RORA: variants seen among roughly 807,000 people sequenced by gnomAD.
The protein encoded by RORA is RAR related orphan receptor A.
RORA carries 7 observed loss-of-function variants against 69.5 expected under a neutral mutation model. The ratio of observed to expected loss-of-function variants is 0.10; its 90% CI spans 0.06 to 0.19. RORA has a LOEUF of 0.19. Among genes scored for constraint, RORA ranks in the 10% least tolerant of loss-of-function variants. The pLI is 1.00. For synonymous variants in RORA, 261 were observed against 240.8 expected, an observed-to-expected ratio of 1.08 and a Z score of -0.78; for missense variants, 457 against 663.0, an observed-to-expected ratio of 0.69 and a Z score of 3.41.
chr15:60,933,308 C>T (rs1892427021), intron 1 of RORA, among the ~76,000 whole-genome samples: 1 of 152,172 alleles, frequency 6.6e-6, no homozygotes, highest in Admixed American at 6.5e-5. Flanking sequence ...TCCCTGTAGC[C>T]TACGTTCTCA....
chr15:60,826,392 C>G (rs911399815), intron 1 of RORA, among the ~76,000 whole-genome samples: 2 of 152,122 alleles, frequency 1.3e-5, no homozygotes, highest in Non-Finnish European at 2.9e-5. Context: ...AAAAACAACC[C>G]CTGTTCTCAA....
intron 1 of RORA, among the ~76,000 whole-genome samples, chr15:60,959,449 C>T (rs752091711): frequency 5.9e-5 from 9 of 152,106 alleles, no homozygotes; most frequent in Admixed American, 2.0e-4. Context: ...TTTAAACTAA[C>T]GTATTAGGCA....
Position 60,492,344 on chromosome 15 carries a change from G to A in RORA, c.*5111C>T, listed in dbSNP as rs1595851971. ...CATGTAACACTAAATGTTGGCTCGA[G>A]TTGCTGCTGTCATACAGGCAGGTTT... is the stretch of plus-strand genomic sequence containing the variant. On this transcript the variant is annotated 3_prime_UTR_variant, in exon 11 of 11. Coordinates refer to ENST00000335670, the MANE Select transcript of RORA (RefSeq NM_134261.3). The A allele has an allele frequency of 6.6e-6, 1 of 152,148 alleles. No individual in the cohort carries two copies. Among genetic ancestry groups the A allele is most frequent in the Non-Finnish European group, 1.5e-5 (1 of 68,008 alleles). The allele number at this position is 152,148 out of a possible 1,614,324, so 9.4% of individuals were successfully genotyped here.
At chr15:60,857,336 G>T (rs1488983139) in intron 1 of RORA, among the ~76,000 whole-genome samples, 1 of 152,128 alleles carries the variant, frequency 6.6e-6, no homozygotes, top group African/African-American at 2.4e-5. Context: ...GGCAAGTCAA[G>T]TTCCCACGAA....
rs1183997437 is a variant in RORA, at chr15:60,495,879, A to G, written c.*1576T>C. 6.6e-6 allele frequency: 1 copy of G among 151,548 alleles called. No homozygotes were observed. Among genetic ancestry groups the G allele is most frequent in the East Asian group, 1.9e-4 (1 of 5,188 alleles). 9.4% of individuals were successfully genotyped at this position (151,548 alleles called of 1,614,324 possible). Reference sequence around the variant, plus strand: ...TCATTAAAAAAAAAAAAACCATGAAATTAAACAAAAACAACTCAGTATTTC... The same window carrying G: ...TCATTAAAAAAAAAAAAACCATGAAGTTAAACAAAAACAACTCAGTATTTC... On this transcript the variant is annotated 3_prime_UTR_variant, in exon 11 of 11. Coordinates refer to ENST00000335670, the MANE Select transcript of RORA (RefSeq NM_134261.3).
chr15:60,953,970 C>T (rs1489875872), intron 1 of RORA, among the ~76,000 whole-genome samples: 2 of 151,812 alleles, frequency 1.3e-5, no homozygotes, highest in African/African-American at 4.8e-5. Flanking sequence ...ATAAATCATG[C>T]TGCTATAAAG....
At chr15:60,925,164 A>G (rs1184494422) in intron 1 of RORA, among the ~76,000 whole-genome samples, 2 of 152,122 alleles carry the variant, frequency 1.3e-5, no homozygotes, top group African/African-American at 4.8e-5. Context: ...ACAATTGAGG[A>G]AGTGCCTCCT....
chr15:61,096,158 A>T (rs943984268), intron 1 of RORA, among the ~76,000 whole-genome samples: 15 of 152,132 alleles, frequency 9.9e-5, no homozygotes, highest in Non-Finnish European at 2.9e-5. Context: ...GCCCACACCC[A>T]CATTGGGGGA....
chr15:60,920,364 G>A (rs755264073), intron 1 of RORA, among the ~76,000 whole-genome samples: 4 of 152,144 alleles, frequency 2.6e-5, no homozygotes, highest in East Asian at 1.9e-4. Flanking sequence ...TGTTTTCAAC[G>A]TCAAAGAATA....
In RORA at chr15:60,594,141, C is replaced by T. The variant is rs536211945; in HGVS notation, c.197-62290G>A. 1.3e-3 allele frequency among the ~76,000 whole-genome samples: 198 copies of T among 152,200 alleles called. 1 individual carries two copies. Among genetic ancestry groups the T allele is most frequent in the Middle Eastern group, 3.4e-3 (1 of 294 alleles). On this transcript the variant is annotated intron_variant, in intron 2 of 10. Transcript: ENST00000335670. ...AGAAAAGAAATTATAAAAATGTGAA[C>T]CCAAGACCTACCCATGTTAACTCAG...
chr15:60,970,429 C>T lies in RORA; in HGVS notation c.166+258624G>A, dbSNP rs116221558. Among the ~76,000 whole-genome samples, 411 of 152,302 alleles carry T rather than the reference C, an allele frequency of 2.7e-3. 1 individual carries two copies. The highest frequency in any genetic ancestry group is 9.5e-3 in the African/African-American group (393 of 41,558). On this transcript the variant is annotated intron_variant, in intron 1 of 10. Coordinates refer to ENST00000335670, the MANE Select transcript of RORA (RefSeq NM_134261.3). The stretch of plus-strand genomic sequence containing the variant: ...CGCAAACATTATTTCAGCAAGTCCC[C>T]ACTGCGTGCCAGGCATTGTATGAGG...
chr15:60,896,292 C>T (rs969922494), intron 1 of RORA, among the ~76,000 whole-genome samples: 9 of 152,204 alleles, frequency 5.9e-5, no homozygotes, highest in Non-Finnish European at 1.0e-4. Context: ...TCAAAGCTAA[C>T]GCATCTTAGA....
In RORA at chr15:60,499,934, G is replaced by T. The variant is rs199865260; in HGVS notation, c.1365C>A (p.His455Gln). 1.2e-6 allele frequency: 2 copies of T among 1,612,232 alleles called. No homozygotes were observed. Among genetic ancestry groups the T allele is most frequent in the Admixed American group, 1.7e-5 (1 of 59,860 alleles). The change falls in exon 10 of 11, where the codon CAC becomes CAA. Residue 455 changes from histidine to glutamine, a missense_variant. By Grantham distance (24) the His-to-Gln change is conservative (BLOSUM62 0). Coordinates refer to ENST00000335670, the MANE Select transcript of RORA (RefSeq NM_134261.3). Reference sequence around the variant, plus strand: ...CTTCTCGGTGATTCTTCTGTAGGACGTGTTGAAGAGCTAGCTGAATTTTCT... The same window carrying T: ...CTTCTCGGTGATTCTTCTGTAGGACTTGTTGAAGAGCTAGCTGAATTTTCT... Reference protein sequence around the residue: ...LQQKIQLALQHVLQKNHREDG... With the variant: ...LQQKIQLALQQVLQKNHREDG...
At chr15:61,074,097 G>A (rs773361663) in intron 1 of RORA, among the ~76,000 whole-genome samples, 1 of 152,204 alleles carries the variant, frequency 6.6e-6, no homozygotes, top group Non-Finnish European at 1.5e-5. Context: ...TCCACAGGGT[G>A]TGCTTGCTAT....
intron 2 of RORA, among the ~76,000 whole-genome samples, chr15:60,584,506 A>G (rs1364954645): frequency 6.6e-6 from 1 of 152,232 alleles, no homozygotes; most frequent in African/African-American, 2.4e-5. Flanking sequence ...TTCTCTGACT[A>G]AGTGTGGCTG....
intron 2 of RORA, among the ~76,000 whole-genome samples, chr15:60,562,276 C>G (rs2067585380): frequency 1.3e-5 from 2 of 152,136 alleles, no homozygotes; most frequent in African/African-American, 4.8e-5. Flanking sequence ...GACTCTGTCA[C>G]CCAGGCTGGA....
intron 1 of RORA, among the ~76,000 whole-genome samples, chr15:61,042,591 C>T (rs903735937): frequency 6.6e-6 from 1 of 152,140 alleles, no homozygotes; most frequent in South Asian, 2.1e-4. Flanking sequence ...AAAGACTGTA[C>T]GTAATTGGTC....
chr15:60,677,975 G>A (rs141655902), intron 2 of RORA, among the ~76,000 whole-genome samples: 118 of 152,334 alleles, frequency 7.7e-4, no homozygotes, highest in Non-Finnish European at 1.3e-3. Flanking sequence ...TCATCCTGAG[G>A]TTCAAGGCAC....
chr15:60,732,464 C>T (rs1174430575), intron 1 of RORA, among the ~76,000 whole-genome samples: 1 of 152,156 alleles, frequency 6.6e-6, no homozygotes, highest in Non-Finnish European at 1.5e-5. Context: ...CACACCACAT[C>T]TACCACCACA....
Sources: gnomAD v4.1 joint callset for allele counts (sites outside exome capture counted in the v4.1 genomes callset) on GRCh38, gnomAD v4.1.1 for gene constraint, MANE v1.5 for transcripts, NCBI Gene and HGNC (gene_info 2026-07-23, HGNC 2026-07-21) for gene names.